CAST: variants seen among roughly 807,000 people sequenced by gnomAD.
CAST encodes MIR583 host.
A neutral mutation model predicts 119.6 loss-of-function variants in CAST; 76 were observed. The observed-to-expected ratio is 0.64, with a 90% CI of 0.53 to 0.77. The LOEUF (loss-of-function observed/expected upper bound fraction) is 0.77. Among genes scored for constraint, CAST ranks in the 30% least tolerant of loss-of-function variants. CAST has a pLI of 0.00. For synonymous variants in CAST, 319 were observed against 331.6 expected (o/e 0.96, Z 0.41); for missense variants, 953 against 946.5 (o/e 1.01, Z -0.09).
the CAST span, among the ~76,000 whole-genome samples, chr5:96,016,493 C>T: frequency 1.3e-5 from 2 of 152,204 alleles, no homozygotes; most frequent in African/African-American, 2.4e-5. Flanking sequence ...TCAGGTTCTC[C>T]TTATCTCCTT....
At chr5:96,341,833 A>C in the CAST span, among the ~76,000 whole-genome samples, 1 of 152,206 alleles carries the variant, frequency 6.6e-6, no homozygotes, top group Non-Finnish European at 1.5e-5. Context: ...TATGTTGAAT[A>C]CACTAAATGG....
chr5:96,498,739 T>C, the CAST span, among the ~76,000 whole-genome samples: 6 of 152,234 alleles, frequency 3.9e-5, no homozygotes, highest in African/African-American at 1.4e-4. Context: ...GAACATCTTG[T>C]TGTCCTTACT....
the CAST span, among the ~76,000 whole-genome samples, chr5:96,085,835 A>AC: frequency 6.6e-6 from 1 of 152,216 alleles, no homozygotes; most frequent in African/African-American, 2.4e-5. Context: ...GGCTACTTAC[A>AC]TAATTAACAT....
At chr5:96,345,920 A>C in the CAST span, among the ~76,000 whole-genome samples, 2 of 152,202 alleles carry the variant, frequency 1.3e-5, no homozygotes, top group African/African-American at 4.8e-5. Flanking sequence ...TGTAAAAGTG[A>C]CATCCCATCA....
At chr5:96,183,808 T>C in the CAST span, among the ~76,000 whole-genome samples, 3 of 152,222 alleles carry the variant, frequency 2.0e-5, no homozygotes, top group Non-Finnish European at 4.4e-5. Flanking sequence ...CCCTTGTTCT[T>C]TAATCTTCTA....
chr5:96,553,292 C>G (rs900942597), intron 1 of CAST, among the ~76,000 whole-genome samples: 10 of 152,200 alleles, frequency 6.6e-5, no homozygotes, highest in African/African-American at 2.2e-4. Flanking sequence ...ATCACATAAA[C>G]AGAACCAATG....
chr5:96,597,126 C>T (rs1747066964), intron 1 of CAST, among the ~76,000 whole-genome samples: 1 of 152,182 alleles, frequency 6.6e-6, no homozygotes. Flanking sequence ...AAGATGGCAT[C>T]ATCCTGTACT....
chr5:96,737,153 A>C (rs1761830789), intron 10 of CAST, among the ~76,000 whole-genome samples: 1 of 152,194 alleles, frequency 6.6e-6, no homozygotes, highest in Admixed American at 6.5e-5. Flanking sequence ...CCCTTGACAC[A>C]TGGGGATTAC....
the CAST span, among the ~76,000 whole-genome samples, chr5:96,481,742 A>G: frequency 3.9e-5 from 6 of 152,362 alleles, no homozygotes; most frequent in African/African-American, 1.4e-4. Flanking sequence ...AAAACTTCCA[A>G]TAAAGACATA....
At chr5:96,487,437 T>C in the CAST span, among the ~76,000 whole-genome samples, 2 of 152,212 alleles carry the variant, frequency 1.3e-5, no homozygotes, top group Non-Finnish European at 2.9e-5. Context: ...CTTTTCCATT[T>C]CCCACATCAG....
the CAST span, among the ~76,000 whole-genome samples, chr5:96,160,518 T>C: frequency 5.3e-5 from 8 of 152,190 alleles, no homozygotes; most frequent in African/African-American, 1.9e-4. Flanking sequence ...TCTACCGATA[T>C]ACTTTTAGGT....
At chr5:96,183,877 A>G in the CAST span, among the ~76,000 whole-genome samples, 8 of 152,248 alleles carry the variant, frequency 5.3e-5, no homozygotes, top group Admixed American at 5.2e-4. Flanking sequence ...TATGCTATTA[A>G]AAACATAAAC....
At chr5:96,237,719 T>C in the CAST span, among the ~76,000 whole-genome samples, 1 of 152,154 alleles carries the variant, frequency 6.6e-6, no homozygotes, top group Non-Finnish European at 1.5e-5. Context: ...TATATTTTCA[T>C]AGAATTATAT....
the CAST span, among the ~76,000 whole-genome samples, chr5:96,094,366 T>C: frequency 1.3e-5 from 2 of 151,936 alleles, no homozygotes; most frequent in Non-Finnish European, 2.9e-5. Context: ...AGGAGACTGA[T>C]GAAATTTAAG....
chr5:96,164,319 A>C, the CAST span, among the ~76,000 whole-genome samples: 1 of 152,230 alleles, frequency 6.6e-6, no homozygotes, highest in Admixed American at 6.5e-5. Flanking sequence ...TCACTTATAA[A>C]TGTAACACAA....
intron 9 of CAST, 82 bp from the exon 10 acceptor site, chr5:96,736,090 A>G: frequency 1.2e-6 from 1 of 825,470 alleles, no homozygotes; most frequent in Middle Eastern, 2.3e-4. Flanking sequence ...TTGTTAATAT[A>G]ATGAATTTAT....
At chr5:95,989,115 G>A in the CAST span, among the ~76,000 whole-genome samples, 1 of 152,128 alleles carries the variant, frequency 6.6e-6, no homozygotes, top group Non-Finnish European at 1.5e-5. Flanking sequence ...AAAAGCAAGG[G>A]ATTGTTGATT....
chr5:96,765,430 A>G (rs1281258653), intron 26 of CAST, 105 bp downstream of exon 26: 4 of 619,564 alleles, frequency 6.5e-6, no homozygotes, highest in African/African-American at 1.9e-5. Context: ...AACTTAACCT[A>G]TATTTTAAAC....
the CAST span, among the ~76,000 whole-genome samples, chr5:96,448,454 G>A: frequency 3.8e-4 from 58 of 152,128 alleles, no homozygotes; most frequent in South Asian, 0.011. Flanking sequence ...TGTATATCGC[G>A]CTTTTATCAA....
Sources: gnomAD v4.1 joint callset for allele counts (sites outside exome capture counted in the v4.1 genomes callset) on GRCh38, gnomAD v4.1.1 for gene constraint, MANE v1.5 for transcripts, NCBI Gene and HGNC (gene_info 2026-07-23, HGNC 2026-07-21) for gene names.